Variants in SUPT6H observed in about 807,000 individuals in gnomAD.
SUPT6H encodes the protein transcription elongation factor SPT6.
Under a neutral mutation model 222.3 loss-of-function variants are expected in SUPT6H, and 11 were observed. The ratio of observed to expected loss-of-function variants is 0.05; its 90% CI spans 0.03 to 0.08. SUPT6H has a LOEUF of 0.08. Ranked by LOEUF, SUPT6H falls within the 10% of genes least tolerant of loss-of-function variation. SUPT6H has a pLI of 1.00. For synonymous variants in SUPT6H, 762 were observed against 801.2 expected, an observed-to-expected ratio of 0.95 and a Z score of 0.83; for missense variants, 1,422 against 2,216.0, an observed-to-expected ratio of 0.64 and a Z score of 7.19.
chr17:28,692,321 CAA>C (rs764698257), intron 27 of SUPT6H, among the ~76,000 whole-genome samples: 17 of 109,990 alleles, frequency 1.5e-4, no homozygotes, highest in Admixed American at 1.9e-4. Context: ...GACTCTGTCT[CAA>C]AAAAAAAAAA....
Position 28,701,659 on chromosome 17 carries a change from G to C in SUPT6H, c.*34G>C. Reference sequence around the variant, plus strand: ...CTCCTCGGACTCTGGTTACCTCTGAGGCTGGGAAAGGCCTGGCTGCCCACT... The same window carrying C: ...CTCCTCGGACTCTGGTTACCTCTGACGCTGGGAAAGGCCTGGCTGCCCACT... On this transcript the variant is annotated 3_prime_UTR_variant, in exon 37 of 37. Transcript: ENST00000314616. The C allele has an allele frequency of 6.4e-7, 1 of 1,569,456 alleles. No individual in the cohort carries two copies.
chr17:28,686,666 G>A lies in SUPT6H; in HGVS notation c.2577G>A (p.Met859Ile), dbSNP rs2031396337. 3 of 1,599,064 alleles carry A rather than the reference G, an allele frequency of 1.9e-6. No individual in the cohort carries two copies. Among genetic ancestry groups the A allele is most frequent in the Non-Finnish European group, 2.6e-6 (3 of 1,173,894 alleles). Residue 859 changes from methionine to isoleucine, a missense_variant, in exon 21 of 37, where the codon ATG becomes ATA. Transcript: ENST00000314616. ...TVAGENRDAQ[M>I]LIEDVKRIVH... is the part of the protein sequence containing the mutation. ...CTCATCCCACCAGGGACGCCCAGAT[G>A]TTGATTGAAGATGTGAAGCGCATTG... is the stretch of plus-strand genomic sequence containing the variant.
chr17:28,686,962 A>G, intron 21 of SUPT6H, 126 bp from the exon 22 acceptor site: 6 of 1,499,632 alleles, frequency 4.0e-6, no homozygotes, highest in Non-Finnish European at 5.4e-6. Flanking sequence ...CAGAAATTAA[A>G]TCGGTCTCAG....
At chr17:28,667,439 A>ATATATATATG (rs1454850560) in intron 1 of SUPT6H, among the ~76,000 whole-genome samples, 6 of 119,428 alleles carry the variant, frequency 5.0e-5, no homozygotes, top group Non-Finnish European at 1.0e-4. Flanking sequence ...ATATATATGT[A>ATATATATATG]TGTGTGTGTG....
intron 1 of SUPT6H, among the ~76,000 whole-genome samples, chr17:28,669,669 T>C (rs2030298680): frequency 6.6e-6 from 1 of 152,098 alleles, no homozygotes; most frequent in African/African-American, 2.4e-5. Flanking sequence ...GCGTGGTGGC[T>C]CACGCCTGTA....
At chr17:28,669,868 G>A (rs767136518) in intron 1 of SUPT6H, among the ~76,000 whole-genome samples, 1 of 152,244 alleles carries the variant, frequency 6.6e-6, no homozygotes, top group Non-Finnish European at 1.5e-5. Flanking sequence ...CCCAGGAGGC[G>A]GAGGTTGCAG....
Position 28,686,389 on chromosome 17 carries a change from T to C in SUPT6H, c.2538T>C (p.His846=), listed in dbSNP as rs1309083644. 4.3e-6 allele frequency: 7 copies of C among 1,614,124 alleles called. No individual in the cohort carries two copies. In the African/African-American group the frequency reaches 9.3e-5, roughly 22 times the overall value. ...AATTTCTCCTGAATAAGAAGCCTCA[T>C]GTAGTGACAGTTGCAGGAGAGAACA... ...LKKFLLNKKP[H]VVTVAGENRD... is the part of the protein sequence containing the mutation. Residue 846 remains histidine, a synonymous_variant, in exon 20 of 37, where the codon CAT becomes CAC. Coordinates refer to ENST00000314616, the MANE Select transcript of SUPT6H (RefSeq NM_003170.5).
chr17:28,668,778 A>T (rs894006897), intron 1 of SUPT6H, among the ~76,000 whole-genome samples: 17 of 152,162 alleles, frequency 1.1e-4, no homozygotes, highest in African/African-American at 3.9e-4. Context: ...GGGCTGCCGT[A>T]CTCAAATCTG....
At chr17:28,675,537 C>A in intron 6 of SUPT6H, 52 bp downstream of exon 6, 1 of 1,595,310 alleles carries the variant, frequency 6.3e-7, no homozygotes, top group South Asian at 1.1e-5. Flanking sequence ...TGGGCCCAGT[C>A]AGGAAGGAGG....
intron 6 of SUPT6H, 147 bp downstream of exon 6, chr17:28,675,632 T>A: frequency 7.7e-6 from 6 of 783,620 alleles, no homozygotes; most frequent in Non-Finnish European, 1.3e-5. Flanking sequence ...TACCAGGCAG[T>A]GATTTCAGAC....
intron 2 of SUPT6H, 96 bp from the exon 3 acceptor site, chr17:28,674,187 T>C: frequency 6.8e-7 from 1 of 1,472,396 alleles, no homozygotes; most frequent in East Asian, 2.3e-5. Context: ...CCCAGGTCAT[T>C]AGGTGCAGAG....
chr17:28,666,820 G>A (rs940761791), intron 1 of SUPT6H, among the ~76,000 whole-genome samples: 4 of 152,280 alleles, frequency 2.6e-5, no homozygotes, highest in Admixed American at 2.0e-4. Flanking sequence ...GCCTCCCAAA[G>A]TGCTGGCATT....
intron 1 of SUPT6H, among the ~76,000 whole-genome samples, chr17:28,667,403 GTGTATA>G (rs1316896652): frequency 0.014 from 593 of 42,356 alleles, 4 homozygotes; most frequent in South Asian, 0.073. Context: ...AAGTGTGTGT[GTGTATA>G]TATATATATA....
intron 2 of SUPT6H, 103 bp from the exon 3 acceptor site, chr17:28,674,180 A>G: frequency 7.1e-7 from 1 of 1,417,056 alleles, no homozygotes; most frequent in Non-Finnish European, 9.6e-7. Flanking sequence ...CATGGCACCC[A>G]GGTCATTAGG....
At position 28,683,706 on chromosome 17, in the gene SUPT6H, C is replaced by T. The variant is rs202102350; in HGVS notation, c.2119C>T (p.Arg707Trp). ...CAGCCACCAGGTGCAGGAGTGGAACCGGCAGCGCACCATGGCCATCGAACG... is the reference window on the plus strand; with the variant it reads ...CAGCCACCAGGTGCAGGAGTGGAACTGGCAGCGCACCATGGCCATCGAACG... Reference protein sequence around the residue: ...EFSHQVQEWNRQRTMAIERAL... With the variant: ...EFSHQVQEWNWQRTMAIERAL... The change falls in exon 17 of 37, where the codon CGG becomes TGG. Residue 707 changes from arginine (R) to tryptophan (W), a missense_variant. Physicochemically the swap from Arg to Trp is moderately radical, Grantham distance 101. Around this residue, in one of 13 missense-constraint regions of SUPT6H, gnomAD observed 5 missense variants for 25.8 expected, o/e 0.19. Transcript: ENST00000314616. 2.6e-5 allele frequency: 42 copies of T among 1,614,132 alleles called. 1 individual carries two copies. The highest frequency in any genetic ancestry group is 1.2e-4 in the South Asian group (11 of 91,070).
intron 36 of SUPT6H, 97 bp downstream of exon 36, chr17:28,701,225 C>T: frequency 6.7e-7 from 1 of 1,486,840 alleles, no homozygotes. Context: ...TCTGGATCCT[C>T]TGAGGGCCCT....
At chr17:28,673,611 C>A in intron 2 of SUPT6H, 101 bp downstream of exon 2, 1 of 836,356 alleles carries the variant, frequency 1.2e-6, no homozygotes, top group Non-Finnish European at 2.0e-6. Flanking sequence ...GAAGTTATCA[C>A]ACATGAGGTA....
At chr17:28,682,207 T>C (rs768833446) in intron 13 of SUPT6H, 2 of 473,600 alleles carry the variant, frequency 4.2e-6, no homozygotes, top group Non-Finnish European at 7.6e-6. Context: ...GGGAAACTCA[T>C]GATTGGAGGG....
intron 11 of SUPT6H, among the ~76,000 whole-genome samples, chr17:28,679,850 C>T (rs1425617698): frequency 2.7e-5 from 4 of 148,722 alleles, no homozygotes; most frequent in African/African-American, 7.5e-5. Flanking sequence ...ATTAGCTGGG[C>T]GTGGGGACAG....
Sources: allele counts gnomAD v4.1 joint callset (sites outside exome capture counted in the v4.1 genomes callset), GRCh38; gene constraint gnomAD v4.1.1; regional missense constraint gnomAD v4.1.1; transcripts MANE v1.5; gene names NCBI Gene and HGNC (gene_info 2026-07-23, HGNC 2026-07-21).